FOCAD: variants seen among roughly 807,000 people sequenced by gnomAD.
FOCAD encodes the protein focadhesin.
Under a neutral mutation model 225.6 loss-of-function variants are expected in FOCAD, and 198 were observed. That is an observed-to-expected ratio of 0.88 (90% CI 0.78 to 0.99). The LOEUF (loss-of-function observed/expected upper bound fraction) is 0.99, where lower values mean the gene tolerates loss of function less well. FOCAD is among the 50% of genes least tolerant of loss of function. The pLI, the probability that FOCAD is intolerant of heterozygous loss-of-function variation, is 0.00. For synonymous variants in FOCAD, 897 were observed against 755.0 expected (o/e 1.19, Z -3.08); for missense variants, 2,713 against 2,123.6 (o/e 1.28, Z -5.46).
At chr9:20,662,086 T>C (rs905712175) in intron 2 of FOCAD, among the ~76,000 whole-genome samples, 3 of 152,226 alleles carry the variant, frequency 2.0e-5, no homozygotes, top group Non-Finnish European at 4.4e-5. Context: ...ACTGAAAATA[T>C]CTACAAGTAG....
At chr9:20,981,375 G>A (rs1840682972) in intron 37 of FOCAD, 51 bp from the exon 38 acceptor site, 1 of 1,589,946 alleles carries the variant, frequency 6.3e-7, no homozygotes, top group Non-Finnish European at 8.6e-7. Flanking sequence ...TTTGAACATT[G>A]CAAACCCAGA....
At chr9:20,721,841 G>T (rs945896700) in intron 4 of FOCAD, among the ~76,000 whole-genome samples, 2 of 149,136 alleles carry the variant, frequency 1.3e-5, no homozygotes, top group African/African-American at 2.5e-5. Context: ...TGGCACCTTG[G>T]TCTTAATTTT....
chr9:20,919,562 T>C (rs1362595377), intron 24 of FOCAD, among the ~76,000 whole-genome samples: 4 of 152,072 alleles, frequency 2.6e-5, no homozygotes, highest in African/African-American at 4.8e-5. Flanking sequence ...CTTCAAACTA[T>C]ACTACAAGGC....
At chr9:20,801,401 C>G (rs982258142) in intron 11 of FOCAD, among the ~76,000 whole-genome samples, 1 of 152,054 alleles carries the variant, frequency 6.6e-6, no homozygotes, top group Non-Finnish European at 1.5e-5. Flanking sequence ...GGGCTGGTCT[C>G]GAAACCATGA....
At chr9:20,717,944 G>A (rs1825470817) in intron 3 of FOCAD, 76 bp downstream of exon 3, 1 of 1,114,270 alleles carries the variant, frequency 9.0e-7, no homozygotes, top group Non-Finnish European at 1.3e-6. Context: ...CACCTGTCTT[G>A]TTTCCCTGAT....
intron 15 of FOCAD, among the ~76,000 whole-genome samples, chr9:20,856,774 G>T (rs1051475942): frequency 6.6e-6 from 1 of 152,014 alleles, no homozygotes; most frequent in South Asian, 2.1e-4. Context: ...TATGTATGGT[G>T]AGAGATAGGG....
intron 15 of FOCAD, among the ~76,000 whole-genome samples, chr9:20,839,440 T>C (rs1449810399): frequency 6.6e-6 from 1 of 151,802 alleles, no homozygotes; most frequent in Middle Eastern, 3.2e-3. Flanking sequence ...TTTTGTATTT[T>C]TTGTAGAGAC....
intron 10 of FOCAD, among the ~76,000 whole-genome samples, chr9:20,783,642 G>A (rs554898065): frequency 1.3e-5 from 2 of 150,852 alleles, no homozygotes; most frequent in South Asian, 4.2e-4. Context: ...GTGCAGCGGT[G>A]TGATCTTGGC....
chr9:20,672,466 T>A (rs573951680), intron 2 of FOCAD, among the ~76,000 whole-genome samples: 39 of 152,286 alleles, frequency 2.6e-4, no homozygotes, highest in African/African-American at 9.1e-4. Context: ...TATTATTATT[T>A]TTGAGATGGA....
At chr9:20,769,396 C>T (rs541562589) in intron 7 of FOCAD, among the ~76,000 whole-genome samples, 1 of 152,190 alleles carries the variant, frequency 6.6e-6, no homozygotes, top group Non-Finnish European at 1.5e-5. Flanking sequence ...TGAGCAGGAC[C>T]ATATCCTTAA....
At chr9:20,981,760 G>A (rs905932469) in intron 38 of FOCAD, 74 bp downstream of exon 38, 2 of 1,504,972 alleles carry the variant, frequency 1.3e-6, no homozygotes, top group Non-Finnish European at 9.0e-7. Flanking sequence ...GCAAAGTGGG[G>A]AGGTGTATGT....
At chr9:20,941,267 C>T (rs898141157) in intron 28 of FOCAD, among the ~76,000 whole-genome samples, 1 of 152,198 alleles carries the variant, frequency 6.6e-6, no homozygotes, top group Admixed American at 6.5e-5. Flanking sequence ...GATTTTACTG[C>T]CATCTAGTGG....
chr9:20,894,754 A>G (rs1831929229), intron 21 of FOCAD, among the ~76,000 whole-genome samples: 1 of 152,024 alleles, frequency 6.6e-6, no homozygotes, highest in South Asian at 2.1e-4. Flanking sequence ...TGCCTTTTGC[A>G]AATATTTTCT....
At chr9:20,664,402 C>T (rs891204078) in intron 2 of FOCAD, among the ~76,000 whole-genome samples, 1 of 150,810 alleles carries the variant, frequency 6.6e-6, no homozygotes, top group African/African-American at 2.4e-5. Flanking sequence ...AATCAGACCT[C>T]AATTAGAAAG....
intron 15 of FOCAD, among the ~76,000 whole-genome samples, chr9:20,846,747 T>C (rs1316588448): frequency 6.6e-6 from 1 of 152,092 alleles, no homozygotes; most frequent in Non-Finnish European, 1.5e-5. Flanking sequence ...TGGATGGTGG[T>C]CCAATGTCCA....
At chr9:20,970,144 T>C (rs1839635892) in intron 35 of FOCAD, among the ~76,000 whole-genome samples, 1 of 152,124 alleles carries the variant, frequency 6.6e-6, no homozygotes, top group African/African-American at 2.4e-5. Flanking sequence ...GTCTTTGTCT[T>C]TTAAAAATTT....
Position 20,982,500 on chromosome 9 carries a change from T to G in FOCAD, c.4728+54T>G, listed in dbSNP as rs147417440. The G allele has an allele frequency of 9.7e-6, 14 of 1,445,724 alleles. No individual in the cohort carries two copies. In the East Asian group the frequency reaches 3.0e-4, roughly 31 times the overall value. The allele number at this position is 1,445,724 out of a possible 1,614,324, so 89.6% of individuals were successfully genotyped here. A position where few individuals can be genotyped will look rare whatever the true frequency, so the allele number is the denominator to read the frequency against. ...TCATTATTGAGCCAGAAATTACGATTGAATAATTGATTTCAGTGTTTGGCT... is the reference window on the plus strand; with the variant it reads ...TCATTATTGAGCCAGAAATTACGATGGAATAATTGATTTCAGTGTTTGGCT... On this transcript the variant is annotated intron_variant, in intron 39 of 43. Coordinates refer to ENST00000338382, the MANE Select transcript of FOCAD (RefSeq NM_001375567.1).
chr9:20,964,561 G>C (rs921432940), intron 35 of FOCAD, among the ~76,000 whole-genome samples: 1 of 151,814 alleles, frequency 6.6e-6, no homozygotes, highest in African/African-American at 2.4e-5. Flanking sequence ...TTTTGAGATG[G>C]AGTCTTGCTC....
At position 20,865,938 on chromosome 9, in the gene FOCAD, C is replaced by G; in HGVS notation, c.2068C>G (p.Gln690Glu). The part of the protein sequence containing the change: ...NTTEYENFKV[Q>E]VLSFLWTHTQ... ...GTTAACTTTTCAGAATTTTAAAGTT[C>G]AAGTCCTCAGCTTCCTCTGGACTCA... is the stretch of plus-strand genomic sequence containing the variant. The change falls in exon 17 of 44, where the codon CAA (glutamine) becomes GAA (glutamate). Residue 690 changes from glutamine to glutamate, a missense_variant. Coordinates refer to ENST00000338382, the MANE Select transcript of FOCAD (RefSeq NM_001375567.1). 1.2e-6 allele frequency: 2 copies of G among 1,607,556 alleles called. No homozygotes were observed. The highest frequency in any genetic ancestry group is 1.1e-5 in the South Asian group (1 of 89,758).
Sources: gnomAD v4.1 joint callset for allele counts (sites outside exome capture counted in the v4.1 genomes callset) on GRCh38, gnomAD v4.1.1 for gene constraint, MANE v1.5 for transcripts, NCBI Gene and HGNC (gene_info 2026-07-23, HGNC 2026-07-21) for gene names.